LPAR6: variants seen among roughly 807,000 people sequenced by gnomAD.
The protein encoded by LPAR6 is lysophosphatidic acid receptor 6.
LPAR6 carries 17 observed loss-of-function variants against 22.0 expected under a neutral mutation model. That is an observed-to-expected ratio of 0.77 (90% CI 0.53 to 1.16). The LOEUF (loss-of-function observed/expected upper bound fraction) is 1.16. Among genes scored for constraint, LPAR6 ranks in the 50% most tolerant of loss-of-function variants. The pLI is 0.00. For missense variants in LPAR6, 384 were observed against 406.9 expected, an observed-to-expected ratio of 0.94 and a Z score of 0.48; for synonymous variants, 136 against 139.8, an observed-to-expected ratio of 0.97 and a Z score of 0.19.
At chr13:48,408,648 A>G (rs1040755574), downstream of LPAR6, 1 of 152,166 alleles carries the variant, frequency 6.6e-6, no homozygotes, top group Non-Finnish European at 1.5e-5. Context: ...CTAGCAAAGG[A>G]AAATAAATTT....
intron 1 of LPAR6, among the ~76,000 whole-genome samples, chr13:48,443,909 ACT>A (rs1949262387): frequency 6.6e-6 from 1 of 151,734 alleles, no homozygotes; most frequent in African/African-American, 2.4e-5. Flanking sequence ...GTAGGAAAAA[ACT>A]CTCTCAAACC....
intron 1 of LPAR6, among the ~76,000 whole-genome samples, chr13:48,443,559 A>G (rs915281436): frequency 6.6e-6 from 1 of 152,222 alleles, no homozygotes; most frequent in African/African-American, 2.4e-5. Context: ...ATACATTCAA[A>G]TAAAACCTTT....
chr13:48,421,993 T>C (rs996319251), intron 2 of LPAR6, among the ~76,000 whole-genome samples: 7 of 152,124 alleles, frequency 4.6e-5, no homozygotes, highest in Admixed American at 3.9e-4. Flanking sequence ...GAAATACCAT[T>C]TGACCCAGCA....
intron 1 of LPAR6, among the ~76,000 whole-genome samples, chr13:48,404,942 G>T (rs1948726690): frequency 6.6e-6 from 1 of 152,062 alleles, no homozygotes. Flanking sequence ...AGGAATACTG[G>T]ATATTTTATA....
chr13:48,418,543 C>T (rs1948952557), intron 2 of LPAR6, among the ~76,000 whole-genome samples: 1 of 152,030 alleles, frequency 6.6e-6, no homozygotes, highest in Non-Finnish European at 1.5e-5. Flanking sequence ...ACAATATTAA[C>T]CTTAAAAGTA....
chr13:48,400,962 C>G (rs1409746660), intron 1 of LPAR6, among the ~76,000 whole-genome samples: 1 of 152,098 alleles, frequency 6.6e-6, no homozygotes, highest in African/African-American at 2.4e-5. Context: ...CCCCCATCAC[C>G]TTCTCAAAAT....
chr13:48,443,260 A>G (rs1424324022), intron 1 of LPAR6, among the ~76,000 whole-genome samples: 1 of 151,634 alleles, frequency 6.6e-6, no homozygotes, highest in African/African-American at 2.4e-5. Context: ...TTTTCAGTAA[A>G]TGGATAAAGC....
At chr13:48,397,068 A>G (rs553235220) in intron 1 of LPAR6, among the ~76,000 whole-genome samples, 147 of 152,182 alleles carry the variant, frequency 9.7e-4, no homozygotes, top group African/African-American at 3.2e-3. Context: ...TAGTTCAACC[A>G]TTGTGGAAGA....
chr13:48,401,096 A>G (rs1314068223), intron 1 of LPAR6, among the ~76,000 whole-genome samples: 1 of 152,124 alleles, frequency 6.6e-6, no homozygotes, highest in Non-Finnish European at 1.5e-5. Flanking sequence ...GTCAGTAATT[A>G]CCCTGAGGGT....
chr13:48,412,327 T>G lies in LPAR6; in HGVS notation c.97A>C (p.Ile33Leu), dbSNP rs1060585. The change falls in exon 1 of 1, where the codon ATA (isoleucine) becomes CTA (leucine). Residue 33 changes from isoleucine to leucine, a missense_variant. Coordinates refer to ENST00000620633, the MANE Select transcript of LPAR6 (RefSeq NM_001162498.3). ...ATGTATATGGCAACACAATTGGATATTAACCCAAGCACAAACACCATGCTG... is the reference window on the plus strand; with the variant it reads ...ATGTATATGGCAACACAATTGGATAGTAACCCAAGCACAAACACCATGCTG... ...MFSMVFVLGLISNCVAIYIFI... is the reference protein window; with the variant it reads ...MFSMVFVLGLLSNCVAIYIFI... The G allele has an allele frequency of 1.2e-5, 20 of 1,613,328 alleles. No individual in the cohort carries two copies. In the South Asian group the frequency reaches 2.0e-4, roughly 16 times the overall value.
chr13:48,410,115 A>G (rs559982477), downstream of LPAR6, among the ~76,000 whole-genome samples: 2 of 152,178 alleles, frequency 1.3e-5, no homozygotes, highest in Non-Finnish European at 2.9e-5. Context: ...AATGTTTTGA[A>G]CTTCCCAATA....
In LPAR6 at chr13:48,412,696, G is replaced by T. The variant is rs778309989; in HGVS notation, c.-273C>A. 6 of 487,176 alleles carry T rather than the reference G, an allele frequency of 1.2e-5. No homozygotes were observed. The Admixed American group carries it at 2.1e-4, about 17-fold the overall frequency. The allele number at this position is 487,176 out of a possible 1,614,324, so 30.2% of individuals were successfully genotyped here. A position where few individuals can be genotyped will look rare whatever the true frequency, so the allele number is the denominator to read the frequency against. On this transcript the variant is annotated 5_prime_UTR_variant, in exon 1 of 1. Transcript: ENST00000620633. Reference sequence around the variant, plus strand: ...ATTCCAAGGCTCAGTTAACTGACGAGCAACCTTTAAAAAATACAGTCAACG... The same window carrying T: ...ATTCCAAGGCTCAGTTAACTGACGATCAACCTTTAAAAAATACAGTCAACG...
Position 48,393,072 on chromosome 13 carries a change from AG to A in LPAR6, n.115-3261del, listed in dbSNP as rs567967556. Among the ~76,000 whole-genome samples, 3 of 152,248 alleles carry A rather than the reference AG, an allele frequency of 2.0e-5. No individual in the cohort carries two copies. In the South Asian group the frequency reaches 6.2e-4, roughly 32 times the overall value. ...TCTACTGAATATCCCATATATGACA[AG>A]GTTTTTCCACTCTGGCTAGTTGAAA... On this transcript the variant is annotated intron_variant and non_coding_transcript_variant, in intron 1 of 1. Transcript: ENST00000462781.
At position 48,438,939 on chromosome 13, in the gene LPAR6, T is replaced by C. The variant is rs184916106; in HGVS notation, c.-1474+5614A>G. Among the ~76,000 whole-genome samples, 397 of 138,276 alleles carry C rather than the reference T, an allele frequency of 2.9e-3. 1 individual carries two copies. The highest frequency in any genetic ancestry group is 4.5e-3 in the Non-Finnish European group (302 of 67,748). 90.7% of individuals were successfully genotyped at this position (138,276 alleles called of 152,430 possible). On this transcript the variant is annotated intron_variant, in intron 1 of 6. Transcript: ENST00000378434. ...GGTACTACTATGAATGTGCTATTTC[T>C]CTTAGCATCTCTAGATGAATGGATC... is the stretch of plus-strand genomic sequence containing the variant.
chr13:48,444,353 C>A (rs1174581110), intron 1 of LPAR6, among the ~76,000 whole-genome samples: 1 of 152,090 alleles, frequency 6.6e-6, no homozygotes, highest in Non-Finnish European at 1.5e-5. Context: ...CCCGTCTCTA[C>A]TAAAAATACA....
upstream of LPAR6, chr13:48,417,292 G>C (rs1456184357): frequency 6.5e-6 from 1 of 152,682 alleles, no homozygotes; most frequent in African/African-American, 2.4e-5. Context: ...ACAGGGTCTG[G>C]AGTGGACCTC....
chr13:48,395,045 G>A lies in LPAR6; in HGVS notation n.115-5233C>T, dbSNP rs575241342. On this transcript the variant is annotated intron_variant and non_coding_transcript_variant, in intron 1 of 1. Transcript: ENST00000462781. ...CCCCTCTGGGACGAAGCTTCCAGAG[G>A]AAGGAACAGGCAGCAATCTTTGCTC... is the stretch of plus-strand genomic sequence containing the variant. Among the ~76,000 whole-genome samples the A allele has an allele frequency of 4.6e-5, 7 of 151,882 alleles. No individual in the cohort carries two copies. In the South Asian group the frequency reaches 8.3e-4, roughly 18 times the overall value.
At chr13:48,407,414 G>A (rs1038750849), downstream of LPAR6, among the ~76,000 whole-genome samples, 2 of 152,196 alleles carry the variant, frequency 1.3e-5, no homozygotes, top group Non-Finnish European at 2.9e-5. Context: ...AAAAAAGAGA[G>A]AGAAGTTTGC....
chr13:48,405,388 A>G (rs1393097931), intron 1 of LPAR6, among the ~76,000 whole-genome samples: 1 of 152,222 alleles, frequency 6.6e-6, no homozygotes, highest in Non-Finnish European at 1.5e-5. Flanking sequence ...GAAGAATTTT[A>G]AGATTCATTC....
Sources: allele counts gnomAD v4.1 joint callset (sites outside exome capture counted in the v4.1 genomes callset), GRCh38; gene constraint gnomAD v4.1.1; transcripts MANE v1.5; gene names NCBI Gene and HGNC (gene_info 2026-07-23, HGNC 2026-07-21).